Variants in CCBE1 observed in about 807,000 individuals in gnomAD.
The protein encoded by CCBE1 is collagen and calcium binding EGF domains 1.
Under a neutral mutation model 50.0 loss-of-function variants are expected in CCBE1, and 37 were observed. The ratio of observed to expected loss-of-function variants is 0.74; its 90% CI spans 0.57 to 0.97. CCBE1 has a LOEUF of 0.97. Among genes scored for constraint, CCBE1 ranks in the 50% least tolerant of loss-of-function variants. CCBE1 has a pLI of 0.00. For missense variants in CCBE1, 538 were observed against 523.8 expected (o/e 1.03, Z -0.26); for synonymous variants, 234 against 203.7 (o/e 1.15, Z -1.27).
chr18:59,545,159 C>T (rs1944983), intron 2 of CCBE1, among the ~76,000 whole-genome samples: 7 of 152,032 alleles, frequency 4.6e-5, no homozygotes, highest in African/African-American at 9.7e-5. Context: ...CAGGTATCCA[C>T]GGACCTTCCT....
At chr18:59,570,725 G>A (rs149474268) in intron 2 of CCBE1, among the ~76,000 whole-genome samples, 3 of 152,302 alleles carry the variant, frequency 2.0e-5, no homozygotes, top group Non-Finnish European at 2.9e-5. Flanking sequence ...GCTCATTAAC[G>A]TGATATTAAA....
At chr18:59,542,160 T>G in intron 2 of CCBE1, among the ~76,000 whole-genome samples, 1 of 130,376 alleles carries the variant, frequency 7.7e-6, no homozygotes, top group African/African-American at 3.0e-5. Context: ...AGTGACAGAG[T>G]GAGATCCTGT....
At chr18:59,659,216 G>A (rs529491535) in intron 2 of CCBE1, among the ~76,000 whole-genome samples, 1 of 152,084 alleles carries the variant, frequency 6.6e-6, no homozygotes, top group African/African-American at 2.4e-5. Flanking sequence ...TGGAGAAATT[G>A]TATAAGGAAA....
intron 2 of CCBE1, among the ~76,000 whole-genome samples, chr18:59,608,562 AT>A (rs1568231883): frequency 1.3e-5 from 2 of 152,216 alleles, no homozygotes; most frequent in Non-Finnish European, 2.9e-5. Context: ...CAGCAATGAA[AT>A]GATCTAGGGA....
At chr18:59,448,124 CTCAG>C in intron 6 of CCBE1, 21 bp from the exon 7 acceptor site, 1 of 1,613,434 alleles carries the variant, frequency 6.2e-7, no homozygotes, top group Admixed American at 1.7e-5. Context: ...AAGAGGAAGC[CTCAG>C]TCAGGAAGCA....
intron 2 of CCBE1, among the ~76,000 whole-genome samples, chr18:59,560,352 G>A (rs545164059): frequency 1.3e-5 from 2 of 152,310 alleles, no homozygotes; most frequent in African/African-American, 4.8e-5. Flanking sequence ...CACGGGAACA[G>A]GAAACTAAAC....
chr18:59,641,235 T>TAA lies in CCBE1; in HGVS notation c.212+55392_212+55393dup, dbSNP rs34330879. On this transcript the variant is annotated intron_variant, in intron 2 of 10. Coordinates refer to ENST00000439986, the MANE Select transcript of CCBE1 (RefSeq NM_133459.4). The stretch of plus-strand genomic sequence containing the variant: ...GAATGCCAATCAACATTACAATGGA[T>TAA]AAAAAAAATGTGGTATACACACCAT... Among the ~76,000 whole-genome samples the TAA allele has an allele frequency of 3.3e-5, 5 of 151,746 alleles. No individual in the cohort carries two copies. In the East Asian group the frequency reaches 5.8e-4, roughly 18 times the overall value.
chr18:59,441,471 G>A lies in CCBE1; in HGVS notation c.776-1655C>T, dbSNP rs143039182. Among the ~76,000 whole-genome samples, 1,422 of 141,104 alleles carry A rather than the reference G, an allele frequency of 0.01. 80 individuals carry two copies. The East Asian group carries it at 0.16, about 16-fold the overall frequency. 92.6% of individuals were successfully genotyped at this position (141,104 alleles called of 152,430 possible). The stretch of plus-strand genomic sequence containing the variant: ...TGCAGTCCAGCCTGGGTGACAAAGC[G>A]AGACTCCATCTCAAAAAAAAAAAAA... On this transcript the variant is annotated intron_variant, in intron 7 of 10. Coordinates refer to ENST00000439986, the MANE Select transcript of CCBE1 (RefSeq NM_133459.4).
intron 2 of CCBE1, among the ~76,000 whole-genome samples, chr18:59,530,818 T>C (rs562084803): frequency 1.8e-4 from 27 of 152,058 alleles, no homozygotes; most frequent in African/African-American, 6.3e-4. Flanking sequence ...TCTCAGATAG[T>C]TTTCTTAAAT....
chr18:59,577,999 G>A (rs892223809), intron 2 of CCBE1, among the ~76,000 whole-genome samples: 1 of 152,180 alleles, frequency 6.6e-6, no homozygotes, highest in African/African-American at 2.4e-5. Context: ...CACAGCAAAG[G>A]AAAGTATCAT....
At chr18:59,593,332 T>C (rs1168185433) in intron 2 of CCBE1, among the ~76,000 whole-genome samples, 3 of 152,248 alleles carry the variant, frequency 2.0e-5, no homozygotes, top group African/African-American at 7.2e-5. Context: ...AATTCTATAA[T>C]ACATTCCTTC....
At chr18:59,604,186 G>A (rs888393981) in intron 2 of CCBE1, among the ~76,000 whole-genome samples, 2 of 152,186 alleles carry the variant, frequency 1.3e-5, no homozygotes, top group Admixed American at 1.3e-4. Context: ...CTTCGCTGAC[G>A]GAGGGTCACA....
chr18:59,534,129 G>A (rs987129940), intron 2 of CCBE1, among the ~76,000 whole-genome samples: 1 of 152,112 alleles, frequency 6.6e-6, no homozygotes, highest in Non-Finnish European at 1.5e-5. Context: ...TAAGATGTTG[G>A]CTAATGATAA....
rs898981815 is a variant in CCBE1 at position 59,431,265 on chromosome 18, G to A, written c.*4643C>T. The A allele has an allele frequency of 6.6e-6, 1 of 152,178 alleles. No homozygotes were observed. Among genetic ancestry groups the A allele is most frequent in the African/African-American group, 2.4e-5 (1 of 41,436 alleles). The allele number at this position is 152,178 out of a possible 1,614,324, so 9.4% of individuals were successfully genotyped here. The stretch of plus-strand genomic sequence containing the variant: ...AACAATTACAGTCATGGTGTGTTTT[G>A]TTTTCCAAATGGAAAATTATTTTTG... On this transcript the variant is annotated 3_prime_UTR_variant, in exon 11 of 11. Transcript: ENST00000439986.
intron 2 of CCBE1, among the ~76,000 whole-genome samples, chr18:59,535,865 CTT>C (rs1007575142): frequency 6.6e-6 from 1 of 152,066 alleles, no homozygotes; most frequent in African/African-American, 2.4e-5. Flanking sequence ...AGTGTGTACT[CTT>C]TTTTTCCTAA....
intron 2 of CCBE1, among the ~76,000 whole-genome samples, chr18:59,490,214 A>G (rs565837086): frequency 5.3e-5 from 8 of 152,060 alleles, no homozygotes; most frequent in African/African-American, 1.9e-4. Flanking sequence ...CGAACTGCTG[A>G]CCTCAGGTGA....
intron 2 of CCBE1, among the ~76,000 whole-genome samples, chr18:59,666,919 C>G (rs760236988): frequency 6.6e-6 from 1 of 152,112 alleles, no homozygotes; most frequent in African/African-American, 2.4e-5. Flanking sequence ...GAGCAAAGAT[C>G]GTGCCACTGC....
intron 5 of CCBE1, among the ~76,000 whole-genome samples, chr18:59,460,291 A>T (rs1018818712): frequency 3.9e-5 from 6 of 152,212 alleles, no homozygotes; most frequent in Non-Finnish European, 7.3e-5. Context: ...TTTGATTTCA[A>T]ATTCCTCTGA....
intron 5 of CCBE1, among the ~76,000 whole-genome samples, chr18:59,458,136 CCA>C (rs1491460866): frequency 2.9e-4 from 43 of 148,904 alleles, no homozygotes; most frequent in African/African-American, 1.0e-3. Context: ...ATCCATCCAT[CCA>C]TCCATCCATC....
Sources: allele counts gnomAD v4.1 joint callset (sites outside exome capture counted in the v4.1 genomes callset), GRCh38; gene constraint gnomAD v4.1.1; transcripts MANE v1.5; gene names NCBI Gene and HGNC (gene_info 2026-07-23, HGNC 2026-07-21).